Variants in ZNF613 observed in about 807,000 individuals in gnomAD.
ZNF613 encodes zinc finger protein 613.
Under a neutral mutation model 14.3 loss-of-function variants are expected in ZNF613, and 8 were observed. That is an observed-to-expected ratio of 0.56 (90% CI 0.33 to 1.01). The LOEUF (loss-of-function observed/expected upper bound fraction) is 1.01, where lower values mean the gene tolerates loss of function less well. ZNF613 is among the 50% of genes least tolerant of loss of function. The pLI, the probability that ZNF613 is intolerant of heterozygous loss-of-function variation, is 0.03. For synonymous variants in ZNF613, 228 were observed against 254.5 expected (o/e 0.90, Z 0.99); for missense variants, 656 against 741.9 (o/e 0.88, Z 1.35).
chr19:51,940,217 G>C lies in ZNF613; in HGVS notation c.24G>C (p.Leu8=). 6.2e-7 allele frequency: 1 copy of C among 1,613,514 alleles called. No homozygotes were observed. Residue 8 remains leucine (L), a synonymous_variant, in exon 4 of 6, where the codon CTG becomes CTC. Coordinates refer to ENST00000293471, the MANE Select transcript of ZNF613 (RefSeq NM_001031721.4). ...GGACTCTCTTATTACAGGAATCACT[G>C]ACCCTGGAGGATGTGGCTGTGGAGT... is the stretch of plus-strand genomic sequence containing the variant. The part of the protein sequence containing the change: MIKSQES[L]TLEDVAVEFT...
In ZNF613 at chr19:51,945,448, C is replaced by A; in HGVS notation, c.1565C>A (p.Ser522Tyr). 6.2e-7 allele frequency: 1 copy of A among 1,614,146 alleles called. No individual in the cohort carries two copies. Among genetic ancestry groups the A allele is most frequent in the Non-Finnish European group, 8.5e-7 (1 of 1,180,012 alleles). Reference protein sequence around the residue: ...YGCSDCGKAFSHLSCLVYHKG... With the variant: ...YGCSDCGKAFYHLSCLVYHKG... Reference sequence around the variant, plus strand: ...TGCTCTGATTGTGGGAAAGCTTTCTCCCACTTGTCATGCCTTGTTTATCAT... The same window carrying A: ...TGCTCTGATTGTGGGAAAGCTTTCTACCACTTGTCATGCCTTGTTTATCAT... The change falls in exon 6 of 6, where the codon TCC (serine) becomes TAC (tyrosine). Residue 522 changes from serine to tyrosine, a missense_variant. Ser to Tyr is a moderately radical substitution (Grantham distance 144, BLOSUM62 -2). Coordinates refer to ENST00000293471, the MANE Select transcript of ZNF613 (RefSeq NM_001031721.4).
Position 51,944,890 on chromosome 19 carries a change from G to C in ZNF613, c.1007G>C (p.Arg336Thr). 1 of 1,613,294 alleles carries C rather than the reference G, an allele frequency of 6.2e-7. No homozygotes were observed. Among genetic ancestry groups the C allele is most frequent in the East Asian group, 2.2e-5 (1 of 44,860 alleles). ...AGGTCCAGGCTCACTGAACACCAGA[G>C]AACTCATACAGGAGAGAAACCCTAT... ...SKRSRLTEHQ[R>T]THTGEKPYEC... Residue 336 changes from arginine (R) to threonine (T), a missense_variant, in exon 6 of 6, where the codon AGA (arginine) becomes ACA (threonine). By Grantham distance (71) the Arg-to-Thr change is moderately conservative. Transcript: ENST00000293471.
chr19:51,935,451 T>C (rs1269626702), intron 2 of ZNF613, among the ~76,000 whole-genome samples: 1 of 152,220 alleles, frequency 6.6e-6, no homozygotes, highest in Non-Finnish European at 1.5e-5. Flanking sequence ...ATTCTACTTC[T>C]GCTTTTGGAC....
chr19:51,943,732 G>T (rs1460337543), intron 5 of ZNF613, among the ~76,000 whole-genome samples: 1 of 152,068 alleles, frequency 6.6e-6, no homozygotes, highest in Non-Finnish European at 1.5e-5. Context: ...TGGTGTGGGG[G>T]GTGTCTTGGA....
chr19:51,937,604 A>C (rs529643334), intron 3 of ZNF613, among the ~76,000 whole-genome samples: 1 of 152,112 alleles, frequency 6.6e-6, no homozygotes, highest in African/African-American at 2.4e-5. Flanking sequence ...CAGGATATGC[A>C]CTGACTCTCA....
At chr19:51,938,966 G>GTATGTATGTA (rs2085326818) in intron 3 of ZNF613, among the ~76,000 whole-genome samples, 1 of 151,372 alleles carries the variant, frequency 6.6e-6, no homozygotes, top group Non-Finnish European at 1.5e-5. Flanking sequence ...GCATATATTT[G>GTATGTATGTA]TATGTATGTA....
chr19:51,940,561 G>T (rs1034489565), intron 4 of ZNF613, 56 bp from the exon 5 acceptor site: 5 of 1,554,982 alleles, frequency 3.2e-6, no homozygotes, highest in Non-Finnish European at 4.4e-6. Context: ...GTCCCATGTT[G>T]ATAGACCACA....
chr19:51,937,133 G>A (rs1204284086), intron 3 of ZNF613, among the ~76,000 whole-genome samples: 2 of 152,248 alleles, frequency 1.3e-5, no homozygotes, highest in East Asian at 3.9e-4. Context: ...GTTATTCCTG[G>A]GTTGTAAATA....
At chr19:51,931,048 A>G (rs1010255371) in intron 2 of ZNF613, among the ~76,000 whole-genome samples, 6 of 152,196 alleles carry the variant, frequency 3.9e-5, no homozygotes, top group African/African-American at 1.2e-4. Flanking sequence ...TATGATATAC[A>G]TAACTGAGGT....
chr19:51,938,693 C>T (rs191412679), intron 3 of ZNF613, among the ~76,000 whole-genome samples: 29 of 139,046 alleles, frequency 2.1e-4, no homozygotes, highest in East Asian at 1.0e-3. Flanking sequence ...TCCTTTAATA[C>T]GTTAAAAAAA....
At position 51,945,105 on chromosome 19, in the gene ZNF613, G is replaced by A. The variant is rs376755916; in HGVS notation, c.1222G>A (p.Gly408Ser). 1.2e-6 allele frequency: 2 copies of A among 1,614,042 alleles called. No individual in the cohort carries two copies. Among genetic ancestry groups the A allele is most frequent in the African/African-American group, 2.7e-5 (2 of 74,910 alleles). ...KPYICNECGK[G>S]FIQKGNLLIH... Reference sequence around the variant, plus strand: ...CTATATATGCAATGAATGTGGAAAAGGCTTCATCCAAAAGGGCAACCTCCT... The same window carrying A: ...CTATATATGCAATGAATGTGGAAAAAGCTTCATCCAAAAGGGCAACCTCCT... The change falls in exon 6 of 6, where the codon GGC (glycine) becomes AGC (serine). Residue 408 changes from glycine to serine, a missense_variant. Physicochemically the swap from Gly to Ser is moderately conservative, Grantham distance 56. Transcript: ENST00000293471.
rs1303950161 is a variant in ZNF613, at chr19:51,944,633, C to G, written c.750C>G (p.His250Gln). 5.0e-6 allele frequency: 8 copies of G among 1,614,100 alleles called. No individual in the cohort carries two copies. Among genetic ancestry groups the G allele is most frequent in the Non-Finnish European group, 6.8e-6 (8 of 1,180,026 alleles). Residue 250 changes from histidine to glutamine, a missense_variant, in exon 6 of 6, where the codon CAC (histidine) becomes CAG (glutamine). By Grantham distance (24) the His-to-Gln change is conservative. Coordinates refer to ENST00000293471, the MANE Select transcript of ZNF613 (RefSeq NM_001031721.4). ...CCAGAAAGTCCGGGCTCACTGAACA[C>G]CAGAGAAACCACACAGGAGAGAAAC... ...AFSRKSGLTEHQRNHTGEKPY... is the reference protein window; with the variant it reads ...AFSRKSGLTEQQRNHTGEKPY...
At chr19:51,936,519 C>T (rs765027892) in intron 3 of ZNF613, among the ~76,000 whole-genome samples, 1 of 152,144 alleles carries the variant, frequency 6.6e-6, no homozygotes, top group African/African-American at 2.4e-5. Context: ...GACAGGGTCT[C>T]ACTTTGTCAC....
intron 3 of ZNF613, among the ~76,000 whole-genome samples, chr19:51,938,725 G>T (rs1326597744): frequency 4.2e-5 from 5 of 118,898 alleles, no homozygotes; most frequent in Admixed American, 8.0e-5. Flanking sequence ...AATGTACATG[G>T]ATATATATAT....
intron 2 of ZNF613, among the ~76,000 whole-genome samples, chr19:51,930,634 A>C (rs933322632): frequency 3.3e-5 from 5 of 152,210 alleles, no homozygotes; most frequent in African/African-American, 9.6e-5. Flanking sequence ...TTTATGCCAG[A>C]ATAGTATTTC....
At position 51,940,700 on chromosome 19, in the gene ZNF613, A is replaced by G. The variant is rs944613647; in HGVS notation, c.226A>G (p.Ile76Val). 1 of 1,612,294 alleles carries G rather than the reference A, an allele frequency of 6.2e-7. No individual in the cohort carries two copies. Among genetic ancestry groups the G allele is most frequent in the African/African-American group, 1.3e-5 (1 of 74,810 alleles). The stretch of plus-strand genomic sequence containing the variant: ...AGTAGAAAATGAAATCCACAGCCAA[A>G]TCTGTCCAGGTGAGTTCAGGGTGAG... ...WTVENEIHSQ[I>V]CPEIKKVDNH... The change falls in exon 5 of 6, where the codon ATC (isoleucine) becomes GTC (valine). Residue 76 changes from isoleucine (I) to valine (V), a missense_variant. Physicochemically the swap from Ile to Val is conservative, Grantham distance 29. Coordinates refer to ENST00000293471, the MANE Select transcript of ZNF613 (RefSeq NM_001031721.4).
chr19:51,945,222 CAG>C lies in ZNF613; in HGVS notation c.1343_1344del (p.Arg448IlefsTer12), dbSNP rs747556418. The C allele has an allele frequency of 8.1e-6, 13 of 1,614,056 alleles. No homozygotes were observed. On this transcript the variant is annotated frameshift_variant, in exon 6 of 6. Transcript: ENST00000293471. LOFTEE classifies it low-confidence loss of function (END_TRUNC). ...FSQKTCLISHQRFHTGKTPFV... is the reference protein window; with the variant it reads ...FSQKTCLISHXRFHTGKTPFV... ...CCAGAAGACATGTTTAATATCCCAT[CAG>C]AGATTTCACACAGGAAAGACACCCT...
At chr19:51,937,451 G>A (rs1489677190) in intron 3 of ZNF613, among the ~76,000 whole-genome samples, 1 of 152,152 alleles carries the variant, frequency 6.6e-6, no homozygotes, top group Non-Finnish European at 1.5e-5. Flanking sequence ...TCAGAAATGT[G>A]AGTAAAAACA....
intron 3 of ZNF613, among the ~76,000 whole-genome samples, 183 bp downstream of exon 3, chr19:51,936,418 G>A (rs931334057): frequency 5.3e-5 from 8 of 152,288 alleles, no homozygotes; most frequent in South Asian, 4.1e-4. Context: ...TTTACATGTG[G>A]TATCATAGAA....
Sources: allele counts gnomAD v4.1 joint callset (sites outside exome capture counted in the v4.1 genomes callset), GRCh38; gene constraint gnomAD v4.1.1; transcripts MANE v1.5; gene names NCBI Gene and HGNC (gene_info 2026-07-23, HGNC 2026-07-21).